Variants in ZYG11A observed in about 807,000 individuals in gnomAD.
ZYG11A encodes the protein protein zyg-11 homolog A.
ZYG11A carries 62 observed loss-of-function variants against 77.2 expected under a neutral mutation model. The ratio of observed to expected loss-of-function variants is 0.80; its 90% CI spans 0.65 to 0.99. ZYG11A has a LOEUF of 0.99. Among genes scored for constraint, ZYG11A ranks in the 50% least tolerant of loss-of-function variants. The probability of loss-of-function intolerance (pLI) is 0.00; values close to 1 mark genes in which losing one functional copy is unlikely to be tolerated. For missense variants in ZYG11A, 828 were observed against 896.8 expected (o/e 0.92, Z 0.98); for synonymous variants, 315 against 324.6 (o/e 0.97, Z 0.32).
chr1:52,861,468 C>T lies in ZYG11A; in HGVS notation c.1149+597C>T, dbSNP rs374241639. On this transcript the variant is annotated intron_variant, in intron 4 of 13. Transcript: ENST00000371528. ...ATATTTTCCCAGCACTTTGGGAGGC[C>T]GAAGCGGGTGGATCACGAGGTCAAG... 1.3e-4 allele frequency among the ~76,000 whole-genome samples: 20 copies of T among 151,930 alleles called. No homozygotes were observed. In the South Asian group the frequency reaches 1.5e-3, roughly 11 times the overall value.
At chr1:52,875,716 C>G (rs1557450577) in intron 8 of ZYG11A, among the ~76,000 whole-genome samples, 1 of 149,646 alleles carries the variant, frequency 6.7e-6, no homozygotes, top group Admixed American at 6.7e-5. Flanking sequence ...TGCTGAATCT[C>G]TGTATGTGCA....
intron 2 of ZYG11A, 131 bp downstream of exon 2, chr1:52,854,761 C>G (rs1645777386): frequency 2.1e-6 from 2 of 960,840 alleles, no homozygotes; most frequent in Middle Eastern, 2.6e-4. Flanking sequence ...GAGACTCACT[C>G]TTTCTGGGAT....
At chr1:52,866,475 A>G (rs568636913) in intron 5 of ZYG11A, 28 bp from the exon 6 acceptor site, 1 of 1,287,018 alleles carries the variant, frequency 7.8e-7, no homozygotes, top group African/African-American at 1.5e-5. Flanking sequence ...ACATTTGTTC[A>G]AAATTATTTT....
At chr1:52,889,538 C>G (rs953250292) in intron 13 of ZYG11A, among the ~76,000 whole-genome samples, 14 of 151,858 alleles carry the variant, frequency 9.2e-5, no homozygotes, top group African/African-American at 3.4e-4. Flanking sequence ...TTGCATCAGC[C>G]TCCCAAAGTG....
At chr1:52,845,824 G>T (rs1645564032) in intron 1 of ZYG11A, among the ~76,000 whole-genome samples, 1 of 151,630 alleles carries the variant, frequency 6.6e-6, no homozygotes, top group African/African-American at 2.4e-5. Context: ...CTATAGGTGT[G>T]CACCACCATG....
At chr1:52,868,243 C>T (rs56013710) in intron 8 of ZYG11A, among the ~76,000 whole-genome samples, 11,917 of 151,724 alleles carry the variant, frequency 0.079, 914 homozygotes, top group African/African-American at 0.2. Context: ...GGATTACAGG[C>T]GTGAGCCACC....
rs543849337 is a variant in ZYG11A at position 52,886,133 on chromosome 1, C to T, written c.2006+239C>T. ...ATTTTTAGTGGAGACGGGGTTTCAC[C>T]ATGTTAGCCAGGATGGTCTCGATCT... On this transcript the variant is annotated intron_variant, in intron 12 of 13. Coordinates refer to ENST00000371528, the MANE Select transcript of ZYG11A (RefSeq NM_001004339.3). Among the ~76,000 whole-genome samples the T allele has an allele frequency of 2.6e-5, 4 of 152,098 alleles. No homozygotes were observed. The South Asian group carries it at 8.3e-4, about 32-fold the overall frequency.
chr1:52,864,276 C>T, intron 5 of ZYG11A, 119 bp downstream of exon 5: 2 of 1,025,322 alleles, frequency 2.0e-6, no homozygotes, highest in African/African-American at 3.2e-5. Context: ...GACAGAGTCT[C>T]TCTCTGTCGC....
At chr1:52,863,136 A>C (rs2150001012) in intron 4 of ZYG11A, among the ~76,000 whole-genome samples, 1 of 152,010 alleles carries the variant, frequency 6.6e-6, no homozygotes, top group East Asian at 1.9e-4. Context: ...TTAGCAATAT[A>C]CAAAAAAAAA....
intron 13 of ZYG11A, among the ~76,000 whole-genome samples, chr1:52,888,008 G>C (rs1017381220): frequency 6.6e-6 from 1 of 152,138 alleles, no homozygotes; most frequent in African/African-American, 2.4e-5. Context: ...TTGACTAGCT[G>C]TAAAGCAAGT....
intron 1 of ZYG11A, among the ~76,000 whole-genome samples, chr1:52,849,427 G>T (rs1442691892): frequency 6.6e-6 from 1 of 151,362 alleles, no homozygotes; most frequent in South Asian, 2.1e-4. Flanking sequence ...GCAGTGGCGC[G>T]ATCTCCGCTC....
intron 8 of ZYG11A, among the ~76,000 whole-genome samples, chr1:52,868,881 G>A (rs1428863509): frequency 6.6e-6 from 1 of 151,602 alleles, no homozygotes; most frequent in Non-Finnish European, 1.5e-5. Flanking sequence ...CGTTGCTCAT[G>A]CTAGCGTGCA....
At chr1:52,865,933 G>GTTTTTT (rs35299513) in intron 5 of ZYG11A, among the ~76,000 whole-genome samples, 2 of 96,808 alleles carry the variant, frequency 2.1e-5, no homozygotes, top group African/African-American at 3.9e-5. Context: ...TGTAAAGGGA[G>GTTTTTT]TTTTTTTTTT....
intron 4 of ZYG11A, 136 bp from the exon 5 acceptor site, chr1:52,863,845 T>G (rs1645972849): frequency 1.3e-6 from 1 of 765,468 alleles, no homozygotes; most frequent in Non-Finnish European, 2.0e-6. Context: ...TTTGATGTTC[T>G]AAAGAATAAA....
At chr1:52,884,659 A>G (rs1435337612) in intron 11 of ZYG11A, among the ~76,000 whole-genome samples, 5 of 151,868 alleles carry the variant, frequency 3.3e-5, no homozygotes, top group African/African-American at 1.2e-4. Flanking sequence ...CATATTCAGA[A>G]AAAAAAAATT....
At chr1:52,859,835 G>A (rs1053238677) in intron 3 of ZYG11A, among the ~76,000 whole-genome samples, 2 of 151,634 alleles carry the variant, frequency 1.3e-5, no homozygotes, top group African/African-American at 4.8e-5. Context: ...GCACCACCAC[G>A]CCCATCTAAT....
intron 11 of ZYG11A, among the ~76,000 whole-genome samples, chr1:52,883,003 TTATC>T (rs1646386449): frequency 1.3e-5 from 2 of 152,206 alleles, no homozygotes; most frequent in African/African-American, 4.8e-5. Flanking sequence ...TCTAGCTCAT[TTATC>T]TTTTTTGTTC....
intron 1 of ZYG11A, among the ~76,000 whole-genome samples, chr1:52,853,586 C>T (rs1323704660): frequency 6.6e-6 from 1 of 152,084 alleles, no homozygotes; most frequent in Non-Finnish European, 1.5e-5. Context: ...GTGGCTAGCA[C>T]AGAACAGGTG....
intron 13 of ZYG11A, among the ~76,000 whole-genome samples, chr1:52,890,985 G>A (rs1646534370): frequency 6.6e-6 from 1 of 151,714 alleles, no homozygotes; most frequent in Non-Finnish European, 1.5e-5. Context: ...TGCAACCTCT[G>A]CCTCCTGGGT....
Sources: allele counts gnomAD v4.1 joint callset (sites outside exome capture counted in the v4.1 genomes callset), GRCh38; gene constraint gnomAD v4.1.1; transcripts MANE v1.5; gene names NCBI Gene and HGNC (gene_info 2026-07-23, HGNC 2026-07-21).